Variants in C10orf67 observed in about 807,000 individuals in gnomAD.
C10orf67 encodes the protein uncharacterized protein C10orf67, mitochondrial.
C10orf67 carries 60 observed loss-of-function variants against 35.6 expected under a neutral mutation model. The ratio of observed to expected loss-of-function variants is 1.68; its 90% CI spans 1.37 to 2.09. The LOEUF is 2.09. Among genes scored for constraint, C10orf67 ranks in the 30% most tolerant of loss-of-function variants. The pLI is 0.00. For missense variants in C10orf67, 474 were observed against 330.2 expected, an observed-to-expected ratio of 1.44 and a Z score of -3.38; for synonymous variants, 167 against 115.8, an observed-to-expected ratio of 1.44 and a Z score of -2.84.
intron 10 of C10orf67, chr10:23,258,462 A>T (rs1329017994): frequency 6.0e-6 from 1 of 165,636 alleles, no homozygotes; most frequent in Non-Finnish European, 1.4e-5. Context: ...TCCAGTTCTG[A>T]TCACTGGCAA....
At position 23,204,167 on chromosome 10, in the gene C10orf67, G is replaced by C. The variant is rs1326496868; in HGVS notation, c.*6C>G. Reference sequence around the variant, plus strand: ...CCCCGTCTGCGCAGCCCAGGCTTCTGCTGGGTTAATCAACAGTCTCTGCGG... The same window carrying C: ...CCCCGTCTGCGCAGCCCAGGCTTCTCCTGGGTTAATCAACAGTCTCTGCGG... On this transcript the variant is annotated 3_prime_UTR_variant, in exon 16 of 16. Coordinates refer to ENST00000636213, the MANE Select transcript of C10orf67 (RefSeq NM_001371909.1). 1.7e-6 allele frequency: 1 copy of C among 596,374 alleles called. No homozygotes were observed. The highest frequency in any genetic ancestry group is 3.1e-6 in the Non-Finnish European group (1 of 322,498). The allele number at this position is 596,374 out of a possible 1,614,324, so 36.9% of individuals were successfully genotyped here.
intron 5 of C10orf67, among the ~76,000 whole-genome samples, chr10:23,292,725 A>G (rs975680998): frequency 7.3e-5 from 11 of 151,124 alleles, no homozygotes; most frequent in Admixed American, 4.0e-4. Context: ...TGGTATATAT[A>G]TGTGTGTGTG....
chr10:23,211,826 A>G (rs1212837855), intron 15 of C10orf67, among the ~76,000 whole-genome samples: 1 of 152,210 alleles, frequency 6.6e-6, no homozygotes, highest in Non-Finnish European at 1.5e-5. Flanking sequence ...TGAGTTCATG[A>G]TTTAGGACTC....
chr10:23,301,692 TG>T (rs1007199815), intron 5 of C10orf67, among the ~76,000 whole-genome samples: 1 of 151,958 alleles, frequency 6.6e-6, no homozygotes, highest in Non-Finnish European at 1.5e-5. Flanking sequence ...GCGGTGGTGG[TG>T]GGCCTCTTCC....
chr10:23,271,110 T>C (rs10828420), intron 8 of C10orf67, among the ~76,000 whole-genome samples: 66,847 of 151,998 alleles, frequency 0.44, 15,073 homozygotes, highest in African/African-American at 0.49. Flanking sequence ...CAGAAAAAAG[T>C]GGGATCACAA....
intron 10 of C10orf67, among the ~76,000 whole-genome samples, chr10:23,259,918 G>T (rs904306967): frequency 4.6e-5 from 7 of 152,058 alleles, no homozygotes; most frequent in African/African-American, 1.7e-4. Context: ...GAGCATGTAA[G>T]AGTTGTGGAA....
intron 12 of C10orf67, among the ~76,000 whole-genome samples, chr10:23,249,766 C>G (rs1019007844): frequency 2.0e-5 from 3 of 152,126 alleles, no homozygotes; most frequent in Non-Finnish European, 2.9e-5. Flanking sequence ...ACCCATCGTG[C>G]CTGGATGATG....
At chr10:23,327,663 A>G (rs1277381803) in intron 2 of C10orf67, among the ~76,000 whole-genome samples, 1 of 152,032 alleles carries the variant, frequency 6.6e-6, no homozygotes, top group Non-Finnish European at 1.5e-5. Flanking sequence ...CATCTCTACT[A>G]AAAATACAAA....
In C10orf67 at chr10:23,227,738, C is replaced by A. The variant is rs186149318; in HGVS notation, c.1435-3920G>T. On this transcript the variant is annotated intron_variant, in intron 13 of 15. Transcript: ENST00000636213. ...TTAAGCTGATAAGCAACTTCAGCAA[C>A]GTCTCAGGATACAAAATCAATGTGC... Among the ~76,000 whole-genome samples, 126 of 152,196 alleles carry A rather than the reference C, an allele frequency of 8.3e-4. 2 individuals are homozygous for A. Among genetic ancestry groups the A allele is most frequent in the Admixed American group, 3.1e-3 (48 of 15,260 alleles).
At chr10:23,261,876 A>C (rs1842758988) in intron 10 of C10orf67, among the ~76,000 whole-genome samples, 1 of 152,254 alleles carries the variant, frequency 6.6e-6, no homozygotes. Flanking sequence ...AAGAAAGTTA[A>C]GAGAGTGTTA....
At chr10:23,210,454 C>T (rs1198595075) in intron 15 of C10orf67, among the ~76,000 whole-genome samples, 2 of 152,076 alleles carry the variant, frequency 1.3e-5, no homozygotes, top group East Asian at 3.9e-4. Flanking sequence ...AAGTCTTGCC[C>T]TGTCACCCAA....
intron 10 of C10orf67, 21 bp downstream of exon 10, chr10:23,266,241 G>A (rs1432861913): frequency 2.5e-6 from 1 of 398,402 alleles, no homozygotes; most frequent in Non-Finnish European, 4.4e-6. Context: ...GACAGGGTGT[G>A]GTCATGGAAG....
chr10:23,334,513 G>A (rs1419074269), intron 1 of C10orf67, among the ~76,000 whole-genome samples: 1 of 152,236 alleles, frequency 6.6e-6, no homozygotes. Flanking sequence ...CCCATGCGGG[G>A]CACCCCATGG....
At chr10:23,323,841 C>T (rs1479744109) in intron 2 of C10orf67, among the ~76,000 whole-genome samples, 1 of 130,888 alleles carries the variant, frequency 7.6e-6, no homozygotes, top group Non-Finnish European at 1.6e-5. Flanking sequence ...TTGCAGTGAG[C>T]CAAGATCGCA....
chr10:23,307,035 A>G (rs1424725211), intron 4 of C10orf67, among the ~76,000 whole-genome samples: 2 of 152,218 alleles, frequency 1.3e-5, no homozygotes, highest in Admixed American at 6.5e-5. Flanking sequence ...AATTGCCTCA[A>G]TAGACTGGAA....
At chr10:23,232,196 GTTAT>G (rs956660255) in intron 13 of C10orf67, among the ~76,000 whole-genome samples, 1 of 151,916 alleles carries the variant, frequency 6.6e-6, no homozygotes, top group Non-Finnish European at 1.5e-5. Context: ...TTATTCATGG[GTTAT>G]TTAACAGTTT....
intron 8 of C10orf67, among the ~76,000 whole-genome samples, chr10:23,278,358 C>T (rs575757707): frequency 8.2e-4 from 125 of 152,264 alleles, no homozygotes; most frequent in African/African-American, 3.0e-3. Context: ...TGTGTATTAA[C>T]AGTATTACGG....
chr10:23,276,181 TGTAG>T (rs1843181943), intron 8 of C10orf67, among the ~76,000 whole-genome samples: 1 of 152,076 alleles, frequency 6.6e-6, no homozygotes, highest in African/African-American at 2.4e-5. Flanking sequence ...AACCACTGAG[TGTAG>T]GTGTGGATAA....
At chr10:23,212,812 AGAGAG>A (rs1841343849) in intron 15 of C10orf67, among the ~76,000 whole-genome samples, 1 of 151,798 alleles carries the variant, frequency 6.6e-6, no homozygotes, top group Non-Finnish European at 1.5e-5. Flanking sequence ...AGAGAGAGAG[AGAGAG>A]AGAGAGACGT....
Sources: gnomAD v4.1 joint callset for allele counts (sites outside exome capture counted in the v4.1 genomes callset) on GRCh38, gnomAD v4.1.1 for gene constraint, MANE v1.5 for transcripts, NCBI Gene and HGNC (gene_info 2026-07-23, HGNC 2026-07-21) for gene names.